Variants in B3GALT1 observed in about 807,000 individuals in gnomAD.
The protein encoded by B3GALT1 is UDP-Gal:betaGlcNAc beta 1,3-galactosyltransferase, polypeptide 1.
B3GALT1 carries 10 observed loss-of-function variants against 23.2 expected under a neutral mutation model. The ratio of observed to expected loss-of-function variants is 0.43; its 90% CI spans 0.27 to 0.73. B3GALT1 has a LOEUF of 0.73. B3GALT1 is among the 30% of genes least tolerant of loss of function. B3GALT1 has a pLI of 0.21. For synonymous variants in B3GALT1, 156 were observed against 141.5 expected (o/e 1.10, Z -0.73); for missense variants, 299 against 405.4 (o/e 0.74, Z 2.25).
chr2:167,495,013 T>A (rs935253935), intron 2 of B3GALT1, among the ~76,000 whole-genome samples: 1 of 152,152 alleles, frequency 6.6e-6, no homozygotes, highest in Non-Finnish European at 1.5e-5. Flanking sequence ...CTGTAATGTA[T>A]ATGTATATGA....
Position 167,771,031 on chromosome 2 carries a change from G to A in B3GALT1, c.-351-47641G>A, listed in dbSNP as rs749223291. On this transcript the variant is annotated intron_variant, in intron 3 of 4. Transcript: ENST00000392690. ...AGCATTGTGTAGTACAGAAAGAATA[G>A]GCTTTTAGTCAGCTGTATATTCAAA... is the stretch of plus-strand genomic sequence containing the variant. Among the ~76,000 whole-genome samples, 81 of 152,304 alleles carry A rather than the reference G, an allele frequency of 5.3e-4. 1 individual carries two copies. The highest frequency in any genetic ancestry group is 8.4e-4 in the Non-Finnish European group (57 of 68,040).
At chr2:167,342,848 A>G (rs1243423328) in intron 1 of B3GALT1, among the ~76,000 whole-genome samples, 2 of 152,142 alleles carry the variant, frequency 1.3e-5, no homozygotes, top group Admixed American at 1.3e-4. Context: ...AGTGTGTTAC[A>G]TCTGTGTTTA....
chr2:167,398,249 A>G (rs1698127121), intron 1 of B3GALT1, among the ~76,000 whole-genome samples: 1 of 152,074 alleles, frequency 6.6e-6, no homozygotes, highest in South Asian at 2.1e-4. Flanking sequence ...GGAAAGACCA[A>G]AAAGCTTTGT....
At chr2:167,418,174 G>A (rs771533861) in intron 1 of B3GALT1, among the ~76,000 whole-genome samples, 4 of 152,142 alleles carry the variant, frequency 2.6e-5, no homozygotes, top group Non-Finnish European at 5.9e-5. Flanking sequence ...TTTCCATCAA[G>A]CCACTGACTC....
chr2:167,627,258 A>G (rs1685364334), intron 2 of B3GALT1, among the ~76,000 whole-genome samples: 1 of 151,700 alleles, frequency 6.6e-6, no homozygotes, highest in South Asian at 2.1e-4. Context: ...CATCACTACA[A>G]TCAAGATGTA....
intron 2 of B3GALT1, among the ~76,000 whole-genome samples, chr2:167,519,890 G>A (rs1424899613): frequency 6.6e-6 from 1 of 151,984 alleles, no homozygotes; most frequent in Non-Finnish European, 1.5e-5. Flanking sequence ...TGGCCAACAT[G>A]GGGAAATATC....
At position 167,325,201 on chromosome 2, in the gene B3GALT1, C is replaced by CT. The variant is rs969194707; in HGVS notation, c.-511+31876dup. 4.1e-3 allele frequency among the ~76,000 whole-genome samples: 613 copies of CT among 151,020 alleles called. 4 individuals are homozygous for CT. Among genetic ancestry groups the CT allele is most frequent in the African/African-American group, 0.014 (578 of 41,200 alleles). On this transcript the variant is annotated intron_variant, in intron 1 of 4. Coordinates refer to ENST00000392690, the MANE Select transcript of B3GALT1 (RefSeq NM_020981.4). Reference sequence around the variant, plus strand: ...ATATATCTCTTTGATATATTGATTTCTTTTTTTTTGTTTTTTGGATAAATA... The same window carrying CT: ...ATATATCTCTTTGATATATTGATTTCTTTTTTTTTTGTTTTTTGGATAAATA...
intron 1 of B3GALT1, among the ~76,000 whole-genome samples, chr2:167,334,071 C>A (rs183518200): frequency 6.6e-6 from 1 of 152,006 alleles, no homozygotes; most frequent in Non-Finnish European, 1.5e-5. Context: ...ATGTCAGTTA[C>A]TATAATTGAA....
At chr2:167,818,574 G>A (rs1689042386) in intron 3 of B3GALT1, among the ~76,000 whole-genome samples, 98 bp from the exon 4 acceptor site, 1 of 152,150 alleles carries the variant, frequency 6.6e-6, no homozygotes, top group Admixed American at 6.5e-5. Flanking sequence ...TCCTTAAATA[G>A]AAATATTTTT....
intron 2 of B3GALT1, among the ~76,000 whole-genome samples, chr2:167,510,413 T>TG (rs1699988895): frequency 6.6e-6 from 1 of 150,742 alleles, no homozygotes; most frequent in African/African-American, 2.4e-5. Context: ...TTTTGTTTTT[T>TG]TTTTTTTTTT....
chr2:167,680,031 C>G (rs1248721161), intron 3 of B3GALT1, among the ~76,000 whole-genome samples: 1 of 152,162 alleles, frequency 6.6e-6, no homozygotes, highest in African/African-American at 2.4e-5. Context: ...GTATCAATGT[C>G]TAAGTTACTT....
chr2:167,676,748 G>A (rs555998734), intron 3 of B3GALT1, among the ~76,000 whole-genome samples: 2 of 152,222 alleles, frequency 1.3e-5, no homozygotes, highest in South Asian at 4.1e-4. Context: ...TGTTGGCCAG[G>A]CTGGTCTCGA....
chr2:167,566,498 T>TAAC (rs1244244053), intron 2 of B3GALT1, among the ~76,000 whole-genome samples: 4 of 150,370 alleles, frequency 2.7e-5, no homozygotes, highest in African/African-American at 9.8e-5. Context: ...ACTTAAAGTA[T>TAAC]AATAATAATA....
intron 3 of B3GALT1, among the ~76,000 whole-genome samples, chr2:167,667,448 G>T (rs1686222889): frequency 6.6e-6 from 1 of 152,016 alleles, no homozygotes; most frequent in Non-Finnish European, 1.5e-5. Flanking sequence ...CTCTTCTCGA[G>T]GAGTATCTTT....
intron 1 of B3GALT1, among the ~76,000 whole-genome samples, chr2:167,381,332 A>G (rs546112121): frequency 1.3e-5 from 2 of 152,292 alleles, no homozygotes; most frequent in South Asian, 2.1e-4. Flanking sequence ...AAGTGCTGAG[A>G]TTATAGGCGT....
chr2:167,787,129 G>T (rs1261543605), intron 3 of B3GALT1, among the ~76,000 whole-genome samples: 1 of 152,164 alleles, frequency 6.6e-6, no homozygotes, highest in Non-Finnish European at 1.5e-5. Context: ...CTGTGGACAG[G>T]CAAGTGTGAA....
intron 2 of B3GALT1, among the ~76,000 whole-genome samples, chr2:167,598,002 C>T (rs1213217265): frequency 6.6e-6 from 1 of 152,100 alleles, no homozygotes; most frequent in African/African-American, 2.4e-5. Context: ...AATGGAAAGT[C>T]ATTTCACCAT....
intron 1 of B3GALT1, among the ~76,000 whole-genome samples, chr2:167,393,433 T>C (rs1365916216): frequency 1.3e-5 from 2 of 151,872 alleles, no homozygotes; most frequent in Non-Finnish European, 2.9e-5. Flanking sequence ...GAAAGGACCC[T>C]GAAAGCAACA....
chr2:167,682,052 C>T (rs557777473), intron 3 of B3GALT1, among the ~76,000 whole-genome samples: 13 of 152,142 alleles, frequency 8.5e-5, no homozygotes, highest in Non-Finnish European at 1.6e-4. Flanking sequence ...CCTTTCCCAC[C>T]TAATTGGAGA....
Sources: gnomAD v4.1 joint callset for allele counts (sites outside exome capture counted in the v4.1 genomes callset) on GRCh38, gnomAD v4.1.1 for gene constraint, MANE v1.5 for transcripts, NCBI Gene and HGNC (gene_info 2026-07-23, HGNC 2026-07-21) for gene names.